Variants in PFKM observed in about 807,000 individuals in gnomAD.
PFKM encodes the protein phosphofructokinase, muscle, also known as ATP-dependent 6-phosphofructokinase, muscle type.
PFKM carries 58 observed loss-of-function variants against 95.5 expected under a neutral mutation model. The ratio of observed to expected loss-of-function variants is 0.61; its 90% CI spans 0.49 to 0.76. The LOEUF (loss-of-function observed/expected upper bound fraction) is 0.76, where lower values mean the gene tolerates loss of function less well. Among genes scored for constraint, PFKM ranks in the 30% least tolerant of loss-of-function variants. The pLI, the probability that PFKM is intolerant of heterozygous loss-of-function variation, is 0.00. For missense variants in PFKM, 678 were observed against 1,005.4 expected (o/e 0.67, Z 4.40); for synonymous variants, 336 against 357.2 (o/e 0.94, Z 0.67).
intron 1 of PFKM, 65 bp from the exon 2 acceptor site, chr12:48,122,702 G>A (rs966924852): frequency 1.6e-5 from 26 of 1,609,542 alleles, no homozygotes; most frequent in South Asian, 3.3e-5. Context: ...TCTAATTGCC[G>A]TTCCTTTAGC....
At chr12:48,127,262 C>T (rs915462879) in intron 2 of PFKM, among the ~76,000 whole-genome samples, 1 of 152,146 alleles carries the variant, frequency 6.6e-6, no homozygotes, top group South Asian at 2.1e-4. Flanking sequence ...CCTGTTCCTT[C>T]AATGTTGGTT....
chr12:48,109,795 C>T (rs1947027080), intron 3 of PFKM, among the ~76,000 whole-genome samples: 1 of 152,184 alleles, frequency 6.6e-6, no homozygotes, highest in South Asian at 2.1e-4. Flanking sequence ...CTCCATTCCT[C>T]CTCTTCTGCC....
chr12:48,123,145 A>C (rs1948458354), intron 2 of PFKM, among the ~76,000 whole-genome samples: 1 of 152,206 alleles, frequency 6.6e-6, no homozygotes, highest in Non-Finnish European at 1.5e-5. Context: ...ATTGGAAAGA[A>C]ACTAAAGAGA....
chr12:48,143,997 G>T, intron 19 of PFKM, 49 bp from the exon 20 acceptor site: 1 of 1,334,776 alleles, frequency 7.5e-7, no homozygotes, highest in South Asian at 1.2e-5. Flanking sequence ...AGAAATGGGG[G>T]ATGGGAAGCC....
chr12:48,129,189 T>A (rs1949161523), intron 2 of PFKM, among the ~76,000 whole-genome samples: 1 of 151,028 alleles, frequency 6.6e-6, no homozygotes, highest in South Asian at 2.1e-4. Flanking sequence ...GTTTTTGTTC[T>A]GTTTTGTTTT....
At chr12:48,133,236 TTC>T (rs1949700307) in intron 5 of PFKM, 77 bp from the exon 6 acceptor site, 18 of 1,374,550 alleles carry the variant, frequency 1.3e-5, no homozygotes, top group East Asian at 4.6e-5. Context: ...TGGCTAGAGT[TTC>T]TCTCTCTCTA....
At chr12:48,116,497 G>C (rs1381877062), upstream of PFKM, among the ~76,000 whole-genome samples, 1 of 151,828 alleles carries the variant, frequency 6.6e-6, no homozygotes, top group African/African-American at 2.4e-5. Context: ...TTTTATGTTT[G>C]AGACAGGATC....
chr12:48,122,552 G>A (rs1285571368), intron 1 of PFKM: 32 of 1,399,306 alleles, frequency 2.3e-5, no homozygotes, highest in Non-Finnish European at 3.0e-5. Context: ...GACCTTAGTA[G>A]TCTTGGGCTT....
chr12:48,105,410 G>C (rs1946443782), upstream of PFKM: 2 of 519,036 alleles, frequency 3.9e-6, no homozygotes, highest in Non-Finnish European at 7.7e-6. Context: ...ACCAGGAGGC[G>C]ATGAGCCAGG....
In PFKM at chr12:48,145,934, C is replaced by T. The variant is rs1951009333; in HGVS notation, c.*226C>T. The T allele has an allele frequency of 3.5e-6, 2 of 570,552 alleles. No homozygotes were observed. The highest frequency in any genetic ancestry group is 5.9e-5 in the East Asian group (2 of 33,790). The allele number at this position is 570,552 out of a possible 1,614,324, so 35.3% of individuals were successfully genotyped here. On this transcript the variant is annotated 3_prime_UTR_variant, in exon 23 of 23. Transcript: ENST00000359794. This position sits in a 1 kb window ranked among gnomAD's most constrained non-coding sequence, Gnocchi z 4.3. ...TTCTGCCCCAGCTTTATCTGTCACA[C>T]AAGGCTGGGCACCTCTAGTGCTACT... is the stretch of plus-strand genomic sequence containing the variant.
intron 2 of PFKM, among the ~76,000 whole-genome samples, chr12:48,128,405 C>T (rs1181992258): frequency 1.3e-5 from 2 of 152,092 alleles, no homozygotes; most frequent in Non-Finnish European, 2.9e-5. Context: ...GTACTTGGCT[C>T]ATGTCTTTTA....
At chr12:48,140,314 A>G (rs1950466522) in intron 13 of PFKM, among the ~76,000 whole-genome samples, 1 of 152,176 alleles carries the variant, frequency 6.6e-6, no homozygotes, top group Non-Finnish European at 1.5e-5. Flanking sequence ...TGCTTATTAA[A>G]CATGCAAACT....
chr12:48,112,769 G>A (rs1416153802), intron 3 of PFKM, among the ~76,000 whole-genome samples: 3 of 151,604 alleles, frequency 2.0e-5, no homozygotes, highest in African/African-American at 4.9e-5. Flanking sequence ...TTTTTGGATA[G>A]GTAAAATGGG....
intron 2 of PFKM, among the ~76,000 whole-genome samples, chr12:48,107,697 G>A (rs1946815927): frequency 6.6e-6 from 1 of 152,050 alleles, no homozygotes; most frequent in South Asian, 2.1e-4. Context: ...AGTTGAGGGG[G>A]GAACAAAATT....
At position 48,139,277 on chromosome 12, in the gene PFKM, C is replaced by T. The variant is rs765773657; in HGVS notation, c.1063-8C>T. 2 of 1,612,050 alleles carry T rather than the reference C, an allele frequency of 1.2e-6. No homozygotes were observed. Among genetic ancestry groups the T allele is most frequent in the South Asian group, 1.1e-5 (1 of 91,002 alleles). On this transcript the variant is annotated splice_polypyrimidine_tract_variant and splice_region_variant and intron_variant, in intron 11 of 22. Coordinates refer to ENST00000359794, the MANE Select transcript of PFKM (RefSeq NM_000289.6). The stretch of plus-strand genomic sequence containing the variant: ...GGAGTTGAAACTGTCGCTGTGCTCC[C>T]CCCTCAGACCAAAGATGTGACCAAG...
chr12:48,113,922 T>G (rs1947439953), intron 3 of PFKM, among the ~76,000 whole-genome samples: 1 of 152,196 alleles, frequency 6.6e-6, no homozygotes, highest in Admixed American at 6.5e-5. Context: ...TAAGGGTTGC[T>G]GCTAAGCCGG....
At chr12:48,118,626 C>T (rs758021046), upstream of PFKM, 63 of 1,013,036 alleles carry the variant, frequency 6.2e-5, 1 homozygote, top group South Asian at 8.5e-4. Flanking sequence ...GCATCTGACC[C>T]TTTTTCCAGA....
At chr12:48,126,044 A>G (rs1359232411) in intron 2 of PFKM, among the ~76,000 whole-genome samples, 1 of 152,152 alleles carries the variant, frequency 6.6e-6, no homozygotes, top group Non-Finnish European at 1.5e-5. Flanking sequence ...CCTCTTCCCA[A>G]TATGCCGTAA....
intron 2 of PFKM, among the ~76,000 whole-genome samples, chr12:48,127,854 G>A (rs865933198): frequency 3.3e-5 from 5 of 152,302 alleles, no homozygotes; most frequent in African/African-American, 1.2e-4. Flanking sequence ...CGAAAGAAAT[G>A]TCCATGCCTG....
Sources: allele counts gnomAD v4.1 joint callset (sites outside exome capture counted in the v4.1 genomes callset), GRCh38; gene constraint gnomAD v4.1.1; non-coding constraint Gnocchi (gnomAD v3.1); transcripts MANE v1.5; gene names NCBI Gene and HGNC (gene_info 2026-07-23, HGNC 2026-07-21).